Variants in EMILIN1 observed in about 807,000 individuals in gnomAD.
The protein encoded by EMILIN1 is elastin microfibril interfacer 1.
Under a neutral mutation model 82.4 loss-of-function variants are expected in EMILIN1, and 49 were observed. The ratio of observed to expected loss-of-function variants is 0.59; its 90% CI spans 0.47 to 0.75. EMILIN1 has a LOEUF of 0.75. Among genes scored for constraint, EMILIN1 ranks in the 30% least tolerant of loss-of-function variants. The pLI is 0.00. For synonymous variants in EMILIN1, 604 were observed against 602.2 expected, an observed-to-expected ratio of 1.00 and a Z score of -0.04; for missense variants, 1,313 against 1,366.4, an observed-to-expected ratio of 0.96 and a Z score of 0.62.
intron 1 of EMILIN1, among the ~76,000 whole-genome samples, chr2:27,079,534 A>G (rs1669439208): frequency 1.3e-5 from 2 of 152,128 alleles, no homozygotes; most frequent in Admixed American, 1.3e-4. Context: ...CCAGAGCCTC[A>G]GGGAGAACTT....
chr2:27,085,793 A>T lies in EMILIN1; in HGVS notation c.2829A>T (p.Val943=). 1 of 1,612,660 alleles carries T rather than the reference A, an allele frequency of 6.2e-7. No individual in the cohort carries two copies. The highest frequency in any genetic ancestry group is 8.5e-7 in the Non-Finnish European group (1 of 1,179,816). ...LSRSNQGVAR[V]DSGGYEPEGL... ...GCTCCAACCAGGGCGTGGCCCGCGT[A>T]GACTCCGGTGGCTACGAGCCTGAGG... Residue 943 remains valine, a synonymous_variant, in exon 8 of 8, where the codon GTA becomes GTT. Transcript: ENST00000380320.
rs775235494 is a variant in EMILIN1, at chr2:27,079,212, C to T, written c.147C>T (p.Ala49=). The change falls in exon 1 of 8, where the codon GCC becomes GCT. Residue 49 remains alanine, a synonymous_variant. Transcript: ENST00000380320. ...CCGGGGGGCCCCAGGCCCAGATTGC[C>T]CCCCGGCCAGCCAGCCGCCACAGGT... The part of the protein sequence containing the change: ...LSPGGPQAQI[A]PRPASRHRNW... 1 of 1,574,144 alleles carries T rather than the reference C, an allele frequency of 6.4e-7. No individual in the cohort carries two copies. Among genetic ancestry groups the T allele is most frequent in the East Asian group, 2.4e-5 (1 of 41,824 alleles).
rs1254665686 is a variant in EMILIN1, at chr2:27,078,851, A to G, written c.-215A>G. 2.1e-6 allele frequency: 1 copy of G among 477,508 alleles called. No homozygotes were observed. 29.6% of individuals were successfully genotyped at this position (477,508 alleles called of 1,614,324 possible). A position where few individuals can be genotyped will look rare whatever the true frequency, so the allele number is the denominator to read the frequency against. The stretch of plus-strand genomic sequence containing the variant: ...GAAGAGGAGAGCGGAAGGAACCGAG[A>G]GGGGACGGACAGGAGCTGAGGAGGA... On this transcript the variant is annotated 5_prime_UTR_variant, in exon 1 of 8. Coordinates refer to ENST00000380320, the MANE Select transcript of EMILIN1 (RefSeq NM_007046.4).
rs1669525987 is a variant in EMILIN1, at chr2:27,083,522, A to T, written c.1951A>T (p.Ile651Phe). ...CCTGCAAGGAGAGCTCTCTGAGGTT[A>T]TTCTCAGCTTCAGCTCCCTCAATGA... Reference protein sequence around the residue: ...QALQGELSEVILSFSSLNDSL... With the variant: ...QALQGELSEVFLSFSSLNDSL... Residue 651 changes from isoleucine to phenylalanine, a missense_variant, in exon 4 of 8, where the codon ATT (isoleucine) becomes TTT (phenylalanine). By Grantham distance (21) the Ile-to-Phe change is conservative. Transcript: ENST00000380320. 6.2e-7 allele frequency: 1 copy of T among 1,614,042 alleles called. No individual in the cohort carries two copies. The highest frequency in any genetic ancestry group is 2.2e-5 in the East Asian group (1 of 44,878).
rs777076152 is a variant in EMILIN1 at position 27,082,173 on chromosome 2, G to C, written c.602G>C (p.Gly201Ala). Reference sequence around the variant, plus strand: ...CAAGGCCTGCGGGGCGTCCTGCAAGGACTGAGCGGGCGCCTGGCAGAGGAT... The same window carrying C: ...CAAGGCCTGCGGGGCGTCCTGCAAGCACTGAGCGGGCGCCTGGCAGAGGAT... ...ELQGLRGVLQ[G>A]LSGRLAEDVQ... Residue 201 changes from glycine (G) to alanine (A), a missense_variant, in exon 4 of 8, where the codon GGA (glycine) becomes GCA (alanine). Gly to Ala is a moderately conservative substitution (Grantham distance 60). Coordinates refer to ENST00000380320, the MANE Select transcript of EMILIN1 (RefSeq NM_007046.4). The C allele has an allele frequency of 6.2e-7, 1 of 1,613,780 alleles. No homozygotes were observed. The highest frequency in any genetic ancestry group is 1.1e-5 in the South Asian group (1 of 91,086).
Position 27,078,742 on chromosome 2 carries a change from A to C in EMILIN1, c.-324A>C. On this transcript the variant is annotated 5_prime_UTR_variant, in exon 1 of 8. Transcript: ENST00000380320. ...CGAGGGGGCGGACGCCCAGGAGGCAACTTCTGAGACGCAGCTCCTGAGAGG... is the reference window on the plus strand; with the variant it reads ...CGAGGGGGCGGACGCCCAGGAGGCACCTTCTGAGACGCAGCTCCTGAGAGG... 2 of 288,228 alleles carry C rather than the reference A, an allele frequency of 6.9e-6. No individual in the cohort carries two copies. The highest frequency in any genetic ancestry group is 2.2e-5 in the African/African-American group (1 of 45,878). The allele number at this position is 288,228 out of a possible 1,614,324, so 17.9% of individuals were successfully genotyped here. A position where few individuals can be genotyped will look rare whatever the true frequency, so the allele number is the denominator to read the frequency against.
Position 27,078,752 on chromosome 2 carries a change from C to T in EMILIN1, c.-314C>T, listed in dbSNP as rs1294640755. Reference sequence around the variant, plus strand: ...GACGCCCAGGAGGCAACTTCTGAGACGCAGCTCCTGAGAGGGGCAGGGACC... The same window carrying T: ...GACGCCCAGGAGGCAACTTCTGAGATGCAGCTCCTGAGAGGGGCAGGGACC... On this transcript the variant is annotated 5_prime_UTR_variant, in exon 1 of 8. In the 5' UTR this introduces an upstream ATG that the reference lacks. Coordinates refer to ENST00000380320, the MANE Select transcript of EMILIN1 (RefSeq NM_007046.4). 3.2e-6 allele frequency: 1 copy of T among 309,162 alleles called. No homozygotes were observed. Among genetic ancestry groups the T allele is most frequent in the Non-Finnish European group, 5.9e-6 (1 of 168,864 alleles). The allele number at this position is 309,162 out of a possible 1,614,324, so 19.2% of individuals were successfully genotyped here. A position where few individuals can be genotyped will look rare whatever the true frequency, so the allele number is the denominator to read the frequency against.
chr2:27,084,219 C>T (rs1669548739), intron 4 of EMILIN1, among the ~76,000 whole-genome samples, 196 bp from the exon 5 acceptor site: 1 of 152,188 alleles, frequency 6.6e-6, no homozygotes, highest in Non-Finnish European at 1.5e-5. Context: ...CTCACTAGGC[C>T]TGTGGGTGGA....
In EMILIN1 at chr2:27,078,781, C is replaced by G. The variant is rs1012790967; in HGVS notation, c.-285C>G. Reference sequence around the variant, plus strand: ...GCTCCTGAGAGGGGCAGGGACCAGGCGCGGGAGGCCAGAGGGGGCACAGAG... The same window carrying G: ...GCTCCTGAGAGGGGCAGGGACCAGGGGCGGGAGGCCAGAGGGGGCACAGAG... On this transcript the variant is annotated 5_prime_UTR_variant, in exon 1 of 8. Coordinates refer to ENST00000380320, the MANE Select transcript of EMILIN1 (RefSeq NM_007046.4). The G allele has an allele frequency of 2.7e-6, 1 of 366,832 alleles. No individual in the cohort carries two copies. Among genetic ancestry groups the G allele is most frequent in the Non-Finnish European group, 4.9e-6 (1 of 204,134 alleles). The allele number at this position is 366,832 out of a possible 1,614,324, so 22.7% of individuals were successfully genotyped here. A position where few individuals can be genotyped will look rare whatever the true frequency, so the allele number is the denominator to read the frequency against.
chr2:27,082,039 T>G, intron 3 of EMILIN1, 44 bp from the exon 4 acceptor site: 5 of 1,524,508 alleles, frequency 3.3e-6, no homozygotes, highest in Non-Finnish European at 4.4e-6. Flanking sequence ...GGCCTTGAGC[T>G]CTGGGGTCCA....
chr2:27,085,401 T>A, intron 7 of EMILIN1, 104 bp downstream of exon 7: 1 of 1,420,302 alleles, frequency 7.0e-7, no homozygotes, highest in Non-Finnish European at 9.8e-7. Context: ...CTTCATTCTC[T>A]GATTTGGGGA....
At position 27,079,189 on chromosome 2, in the gene EMILIN1, G is replaced by C. The variant is rs1273581666; in HGVS notation, c.124G>C (p.Gly42Arg). Reference protein sequence around the residue: ...YTGSSGALSPGGPQAQIAPRP... With the variant: ...YTGSSGALSPRGPQAQIAPRP... ...AGGTTCCAGTGGGGCCCTCAGCCCC[G>C]GGGGGCCCCAGGCCCAGATTGCCCC... The change falls in exon 1 of 8, where the codon GGG (glycine) becomes CGG (arginine). Residue 42 changes from glycine (G) to arginine (R), a missense_variant. Coordinates refer to ENST00000380320, the MANE Select transcript of EMILIN1 (RefSeq NM_007046.4). 1.9e-6 allele frequency: 3 copies of C among 1,579,772 alleles called. No homozygotes were observed. Among genetic ancestry groups the C allele is most frequent in the Non-Finnish European group, 2.6e-6 (3 of 1,167,496 alleles).
Position 27,083,099 on chromosome 2 carries a change from C to A in EMILIN1, c.1528C>A (p.Gln510Lys). The change falls in exon 4 of 8, where the codon CAG becomes AAG. Residue 510 changes from glutamine (Q) to lysine (K), a missense_variant. Transcript: ENST00000380320. ...GCGCAGGGTGCTGGACAGTGAGGGGCAGCTGCGGCTGGTGGGCTCCGGCCT... is the reference window on the plus strand; with the variant it reads ...GCGCAGGGTGCTGGACAGTGAGGGGAAGCTGCGGCTGGTGGGCTCCGGCCT... ...LERRVLDSEG[Q>K]LRLVGSGLHT... 6.4e-7 allele frequency: 1 copy of A among 1,561,128 alleles called. No individual in the cohort carries two copies. The highest frequency in any genetic ancestry group is 8.7e-7 in the Non-Finnish European group (1 of 1,152,484).
At chr2:27,080,596 CACATGTTGG>C (rs928657463) in intron 2 of EMILIN1, 127 bp from the exon 3 acceptor site, 7 of 731,182 alleles carry the variant, frequency 9.6e-6, no homozygotes, top group Non-Finnish European at 1.5e-5. Context: ...TAAGCAAGGC[CACATGTTGG>C]ACAGTAAGAG....
At chr2:27,082,025 C>G in intron 3 of EMILIN1, 58 bp from the exon 4 acceptor site, 1 of 1,493,506 alleles carries the variant, frequency 6.7e-7, no homozygotes, top group Non-Finnish European at 8.9e-7. Context: ...CTGGGGTGAG[C>G]AGGGGCCTTG....
intron 1 of EMILIN1, 125 bp downstream of exon 1, chr2:27,079,360 G>C: frequency 1.2e-6 from 1 of 845,296 alleles, no homozygotes; most frequent in Non-Finnish European, 1.7e-6. Context: ...CCATCCATCA[G>C]GTGGCTCCTC....
At chr2:27,081,108 C>CGT (rs56048649) in intron 3 of EMILIN1, among the ~76,000 whole-genome samples, 156 bp downstream of exon 3, 39,933 of 142,368 alleles carry the variant, frequency 0.28, 6,098 homozygotes, top group East Asian at 0.5. Flanking sequence ...ATTCCCTGCC[C>CGT]GTGTGTGTGT....
At chr2:27,079,838 T>C (rs1292661140) in intron 1 of EMILIN1, among the ~76,000 whole-genome samples, 1 of 152,200 alleles carries the variant, frequency 6.6e-6, no homozygotes, top group African/African-American at 2.4e-5. Context: ...ATCTGGGGAC[T>C]GAGACAGGCC....
rs774287900 is a variant in EMILIN1 at position 27,082,939 on chromosome 2, G to C, written c.1368G>C (p.Val456=). The C allele has an allele frequency of 2.6e-5, 40 of 1,562,154 alleles. No individual in the cohort carries two copies. Among genetic ancestry groups the C allele is most frequent in the Non-Finnish European group, 3.0e-5 (34 of 1,148,426 alleles). Residue 456 remains valine (V), a synonymous_variant, in exon 4 of 8, where the codon GTG becomes GTC. Transcript: ENST00000380320. ...AGTTGGGGGGGCTGCTGGCCAATGT[G>C]AGCGGGGAGCTGGGGGGGCGGTTGG... ...LEQLGGLLAN[V]SGELGGRLDL... is the part of the protein sequence containing the mutation.
Sources: gnomAD v4.1 joint callset for allele counts (sites outside exome capture counted in the v4.1 genomes callset) on GRCh38, gnomAD v4.1.1 for gene constraint, MANE v1.5 for transcripts, NCBI Gene and HGNC (gene_info 2026-07-23, HGNC 2026-07-21) for gene names.